SCAI: variants seen among roughly 807,000 people sequenced by gnomAD.
SCAI encodes protein SCAI.
A neutral mutation model predicts 92.2 loss-of-function variants in SCAI; 24 were observed. The ratio of observed to expected loss-of-function variants is 0.26; its 90% confidence interval spans 0.19 to 0.37. The LOEUF is 0.37. Among genes scored for constraint, SCAI ranks in the 10% least tolerant of loss-of-function variants. The pLI, the probability that SCAI is intolerant of heterozygous loss-of-function variation, is 1.00. For synonymous variants in SCAI, 261 were observed against 258.6 expected, an observed-to-expected ratio of 1.01 and a Z score of -0.09; for missense variants, 450 against 736.2, an observed-to-expected ratio of 0.61 and a Z score of 4.50.
At chr9:124,996,489 G>T (rs1373964356) in intron 13 of SCAI, among the ~76,000 whole-genome samples, 1 of 151,898 alleles carries the variant, frequency 6.6e-6, no homozygotes, top group Admixed American at 6.6e-5. Flanking sequence ...TTTTAGTAGA[G>T]ACAAGATCCT....
rs1782404585 is a variant in SCAI at position 125,027,062 on chromosome 9, T to C, written c.414-152A>G. 6.5e-6 allele frequency: 3 copies of C among 462,942 alleles called. No homozygotes were observed. The Admixed American group carries it at 1.1e-4, about 17-fold the overall frequency. The allele number at this position is 462,942 out of a possible 1,614,324, so 28.7% of individuals were successfully genotyped here. ...ATTTGAATCGGCAAGACAATAATCA[T>C]ATCACCCTTAAAATGTATAAAAAAT... On this transcript the variant is annotated intron_variant, in intron 5 of 17. Coordinates refer to ENST00000336505, the MANE Select transcript of SCAI (RefSeq NM_001144877.3).
At chr9:125,013,839 G>T (rs1252564479) in intron 9 of SCAI, among the ~76,000 whole-genome samples, 1 of 152,168 alleles carries the variant, frequency 6.6e-6, no homozygotes, top group African/African-American at 2.4e-5. Flanking sequence ...CCATGATCAA[G>T]TGGGCTTCAT....
chr9:125,056,069 G>A, intron 2 of SCAI, 62 bp from the exon 3 acceptor site: 1 of 1,249,744 alleles, frequency 8.0e-7, no homozygotes, highest in Non-Finnish European at 1.1e-6. Flanking sequence ...AAAAACCTTA[G>A]TTATATCATC....
chr9:124,955,154 C>T lies in SCAI; in HGVS notation c.1675-2201G>A, dbSNP rs1321841139. Among the ~76,000 whole-genome samples, 6 of 136,026 alleles carry T rather than the reference C, an allele frequency of 4.4e-5. No individual in the cohort carries two copies. In the East Asian group the frequency reaches 6.3e-4, roughly 14 times the overall value. 89.2% of individuals were successfully genotyped at this position (136,026 alleles called of 152,430 possible). A position where few individuals can be genotyped will look rare whatever the true frequency, so the allele number is the denominator to read the frequency against. On this transcript the variant is annotated intron_variant, in intron 17 of 17. Coordinates refer to ENST00000336505, the MANE Select transcript of SCAI (RefSeq NM_001144877.3). ...CTGCACTCCAGCCTAGGCGACAGAG[C>T]GAGACTCCGTCTAAAAAAAAAAAAA...
intron 3 of SCAI, among the ~76,000 whole-genome samples, chr9:125,030,834 C>G (rs1833059604): frequency 1.3e-5 from 2 of 152,060 alleles, no homozygotes; most frequent in Non-Finnish European, 2.9e-5. Context: ...AAGATGAACT[C>G]AGAAAAGAAT....
chr9:124,986,285 C>T (rs945868901), intron 14 of SCAI, among the ~76,000 whole-genome samples: 5 of 151,722 alleles, frequency 3.3e-5, no homozygotes, highest in Non-Finnish European at 5.9e-5. Context: ...ATCGAGACTC[C>T]GTCTCAAAAA....
At position 124,965,109 on chromosome 9, in the gene SCAI, C is replaced by G. The variant is rs1266456461; in HGVS notation, c.1674+6261G>C. ...TCTTAACATTTTTAAAGCCAAAGCT[C>G]TTTCGAAAATTATCAAACCCTTTCT... On this transcript the variant is annotated intron_variant, in intron 17 of 17. Transcript: ENST00000336505. Among the ~76,000 whole-genome samples, 3 of 151,924 alleles carry G rather than the reference C, an allele frequency of 2.0e-5. No individual in the cohort carries two copies. In the East Asian group the frequency reaches 5.8e-4, roughly 29 times the overall value.
At chr9:124,977,973 T>A (rs1311352906) in intron 14 of SCAI, among the ~76,000 whole-genome samples, 1 of 152,140 alleles carries the variant, frequency 6.6e-6, no homozygotes, top group Non-Finnish European at 1.5e-5. Flanking sequence ...AAAAAATAAT[T>A]ATTTTTTTTA....
At chr9:125,067,079 T>C (rs889472694) in intron 2 of SCAI, among the ~76,000 whole-genome samples, 65 of 152,142 alleles carry the variant, frequency 4.3e-4, no homozygotes, top group African/African-American at 1.5e-3. Context: ...ACTGTATATA[T>C]AAATTATGTG....
chr9:125,126,116 G>C (rs1398981248), intron 2 of SCAI, among the ~76,000 whole-genome samples: 1 of 152,212 alleles, frequency 6.6e-6, no homozygotes, highest in Non-Finnish European at 1.5e-5. Context: ...AATGAGTCAA[G>C]CTGTTGGCTT....
intron 3 of SCAI, among the ~76,000 whole-genome samples, chr9:125,047,404 C>G (rs534193219): frequency 6.6e-6 from 1 of 152,266 alleles, no homozygotes; most frequent in African/African-American, 2.4e-5. Context: ...AAATGCATTT[C>G]TGTTGTTTAA....
At chr9:124,988,097 G>T (rs1454295075) in intron 14 of SCAI, among the ~76,000 whole-genome samples, 2 of 151,846 alleles carry the variant, frequency 1.3e-5, no homozygotes, top group Non-Finnish European at 2.9e-5. Flanking sequence ...ACGCTTCAGG[G>T]AAAACATGGC....
intron 17 of SCAI, chr9:124,968,374 C>CG: frequency 8.4e-7 from 1 of 1,184,448 alleles, no homozygotes; most frequent in Non-Finnish European, 1.3e-6. Context: ...GCAGCGAGCA[C>CG]ATCATGGAGG....
chr9:125,028,863 T>G (rs1833015781), intron 4 of SCAI, among the ~76,000 whole-genome samples: 2 of 152,116 alleles, frequency 1.3e-5, no homozygotes, highest in South Asian at 4.1e-4. Flanking sequence ...AGTGGCATGA[T>G]CTGGGCTCAC....
At chr9:125,131,767 C>A (rs759209143) in intron 2 of SCAI, among the ~76,000 whole-genome samples, 2 of 152,148 alleles carry the variant, frequency 1.3e-5, no homozygotes, top group African/African-American at 2.4e-5. Flanking sequence ...ATTTGCTGTA[C>A]GGATGTTGCT....
intron 14 of SCAI, among the ~76,000 whole-genome samples, chr9:124,991,262 G>T (rs1832114979): frequency 7.4e-6 from 1 of 135,716 alleles, no homozygotes; most frequent in African/African-American, 2.8e-5. Flanking sequence ...TGAGGCAGGA[G>T]AATTGCTTGA....
intron 3 of SCAI, among the ~76,000 whole-genome samples, chr9:125,047,903 AT>A (rs1338684786): frequency 6.6e-6 from 1 of 152,086 alleles, no homozygotes; most frequent in Non-Finnish European, 1.5e-5. Context: ...GTTTCTTTTT[AT>A]TTTTTAATGT....
chr9:124,996,706 T>G (rs1832246110), intron 13 of SCAI, among the ~76,000 whole-genome samples: 1 of 151,828 alleles, frequency 6.6e-6, no homozygotes. Flanking sequence ...CTCGGCTCAC[T>G]GCAACCTCCG....
chr9:125,067,714 T>A (rs929606790), intron 2 of SCAI, among the ~76,000 whole-genome samples: 2 of 152,210 alleles, frequency 1.3e-5, no homozygotes, highest in Non-Finnish European at 2.9e-5. Context: ...CTCTGACAAC[T>A]AATGAAGTTC....
Sources: gnomAD v4.1 joint callset for allele counts (sites outside exome capture counted in the v4.1 genomes callset) on GRCh38, gnomAD v4.1.1 for gene constraint, MANE v1.5 for transcripts, NCBI Gene and HGNC (gene_info 2026-07-23, HGNC 2026-07-21) for gene names.